Variants in OVCH1 observed in about 807,000 individuals in gnomAD.
The protein encoded by OVCH1 is ovochymase-1.
In OVCH1, 139 loss-of-function variants were observed where a neutral mutation model predicts 138.4. That is an observed-to-expected ratio of 1.00 (90% confidence interval 0.87 to 1.16). The LOEUF is 1.16. Among genes scored for constraint, OVCH1 ranks in the 50% most tolerant of loss-of-function variants. The probability of loss-of-function intolerance (pLI) is 0.00; values close to 1 mark genes in which losing one functional copy is unlikely to be tolerated. For missense variants in OVCH1, 1,367 were observed against 1,357.9 expected, an observed-to-expected ratio of 1.01 and a Z score of -0.11; for synonymous variants, 453 against 467.8, an observed-to-expected ratio of 0.97 and a Z score of 0.41.
In OVCH1 at chr12:29,475,190, C is replaced by T. The variant is rs560710953; in HGVS notation, c.1472-1G>A. 11 of 1,445,132 alleles carry T rather than the reference C, an allele frequency of 7.6e-6. No individual in the cohort carries two copies. Among genetic ancestry groups the T allele is most frequent in the Non-Finnish European group, 9.1e-6 (10 of 1,094,652 alleles). The allele number at this position is 1,445,132 out of a possible 1,614,324, so 89.5% of individuals were successfully genotyped here. On this transcript the variant is annotated splice_acceptor_variant, in intron 13 of 27. Transcript: ENST00000318184. LOFTEE classifies it high-confidence loss of function. ...ATGGTCAACATTCCACAAAGTTTAG[C>T]TGAAAAAATTTTAGGAAAGTTTGAT...
intron 19 of OVCH1, among the ~76,000 whole-genome samples, chr12:29,459,280 C>G (rs1367903033): frequency 6.6e-6 from 1 of 152,168 alleles, no homozygotes; most frequent in African/African-American, 2.4e-5. Flanking sequence ...GGTTCATATA[C>G]ACAATGGAGT....
chr12:29,444,782 C>CTG (rs1417605259), intron 23 of OVCH1, among the ~76,000 whole-genome samples: 1 of 152,048 alleles, frequency 6.6e-6, no homozygotes. Flanking sequence ...AAAGTTCAAT[C>CTG]TGACAACTCT....
chr12:29,436,648 T>C (rs1386489273), intron 26 of OVCH1, among the ~76,000 whole-genome samples: 1 of 152,174 alleles, frequency 6.6e-6, no homozygotes, highest in Non-Finnish European at 1.5e-5. Context: ...GTCCAGAGTT[T>C]CTTCCTTCCG....
At chr12:29,472,946 G>A (rs1281872696) in intron 15 of OVCH1, 83 bp downstream of exon 15, 2 of 1,216,972 alleles carry the variant, frequency 1.6e-6, no homozygotes, top group East Asian at 2.5e-5. Flanking sequence ...TATAGCCAAT[G>A]TAAGATAAGG....
At chr12:29,465,654 G>A (rs765134068) in intron 16 of OVCH1, among the ~76,000 whole-genome samples, 5 of 152,116 alleles carry the variant, frequency 3.3e-5, no homozygotes, top group Non-Finnish European at 7.3e-5. Flanking sequence ...GCCACATCAT[G>A]CCTTCTGATC....
chr12:29,447,246 A>G (rs1376514936), intron 22 of OVCH1, among the ~76,000 whole-genome samples: 1 of 152,154 alleles, frequency 6.6e-6, no homozygotes, highest in Non-Finnish European at 1.5e-5. Context: ...TTTTGAGCCC[A>G]GGAGTTTGAG....
At chr12:29,445,523 T>C (rs1488385312) in intron 22 of OVCH1, 120 bp from the exon 23 acceptor site, 1 of 1,030,652 alleles carries the variant, frequency 9.7e-7, no homozygotes, top group Non-Finnish European at 1.4e-6. Context: ...TTCTGTAAAA[T>C]GATGAAACAG....
intron 26 of OVCH1, among the ~76,000 whole-genome samples, chr12:29,436,372 G>C (rs1398791991): frequency 9.5e-6 from 1 of 104,808 alleles, no homozygotes; most frequent in Admixed American, 8.3e-5. Flanking sequence ...GAAAATACAT[G>C]TTATATAACA....
downstream of OVCH1, among the ~76,000 whole-genome samples, chr12:29,408,897 T>C (rs1940917035): frequency 6.6e-6 from 1 of 152,214 alleles, no homozygotes; most frequent in Admixed American, 6.5e-5. Flanking sequence ...CAGTTCCTCC[T>C]TGTACCTCCA....
Position 29,488,929 on chromosome 12 carries a change from G to T in OVCH1, c.702+691C>A, listed in dbSNP as rs3825232. Reference sequence around the variant, plus strand: ...TCCTCCCTCCCAAACTCCTGTCATCGCCTCGAAGAAAAACTCAAAAATCCT... The same window carrying T: ...TCCTCCCTCCCAAACTCCTGTCATCTCCTCGAAGAAAAACTCAAAAATCCT... On this transcript the variant is annotated intron_variant, in intron 6 of 27. Coordinates refer to ENST00000318184, the Ensembl canonical transcript of OVCH1. Among the ~76,000 whole-genome samples the T allele has an allele frequency of 0.013, 1,903 of 152,168 alleles. 111 individuals are homozygous for T. In the East Asian group the frequency reaches 0.18, roughly 14 times the overall value.
chr12:29,496,483 A>G, intron 2 of OVCH1, 73 bp downstream of exon 2: 1 of 1,384,820 alleles, frequency 7.2e-7, no homozygotes, highest in Non-Finnish European at 1.0e-6. Flanking sequence ...ATCAACGTGC[A>G]TTCTTGCTTT....
chr12:29,489,324 A>C (rs1943210014), intron 6 of OVCH1, among the ~76,000 whole-genome samples: 1 of 152,244 alleles, frequency 6.6e-6, no homozygotes, highest in Non-Finnish European at 1.5e-5. Context: ...AGGCCTAATA[A>C]GATTGTGAAA....
exon 19 of OVCH1, chr12:29,461,936 T>C (rs1242433752): frequency 1.9e-6 from 3 of 1,613,740 alleles, no homozygotes; most frequent in Non-Finnish European, 2.5e-6. Context: ...GGCAGAATAG[T>C]AAGTGTGTTC....
intron 19 of OVCH1, among the ~76,000 whole-genome samples, chr12:29,459,787 AAAG>A (rs929008409): frequency 2.6e-5 from 4 of 152,164 alleles, no homozygotes; most frequent in African/African-American, 9.6e-5. Flanking sequence ...AAAAATTAAA[AAAG>A]AACTTAGAAT....
chr12:29,477,617 C>G (rs1565602334), intron 9 of OVCH1, 139 bp from the exon 11 acceptor site: 3 of 1,603,272 alleles, frequency 1.9e-6, no homozygotes, highest in South Asian at 2.2e-5. Context: ...TTTGATCATT[C>G]AACATTCCCT....
intron 27 of OVCH1, among the ~76,000 whole-genome samples, chr12:29,428,579 A>G (rs1941216957): frequency 6.6e-6 from 1 of 152,180 alleles, no homozygotes; most frequent in Non-Finnish European, 1.5e-5. Flanking sequence ...TTGAACTTAT[A>G]AATCTTCCCC....
exon 23 of OVCH1, chr12:29,445,375 T>C (rs1941584904): frequency 1.2e-6 from 2 of 1,610,872 alleles, no homozygotes; most frequent in Non-Finnish European, 1.7e-6. Context: ...TGAAAGTCAT[T>C]GAGTAAAGTC....
chr12:29,441,803 T>C (rs1204607557), intron 25 of OVCH1, among the ~76,000 whole-genome samples: 1 of 151,982 alleles, frequency 6.6e-6, no homozygotes, highest in Non-Finnish European at 1.5e-5. Context: ...CATCAAAAAA[T>C]GGGCAAAGGA....
At chr12:29,435,647 C>T (rs1024554308) in intron 26 of OVCH1, among the ~76,000 whole-genome samples, 1 of 152,182 alleles carries the variant, frequency 6.6e-6, no homozygotes, top group Admixed American at 6.5e-5. Context: ...AGCTACCGCA[C>T]CCGGAGGCCC....
Sources: gnomAD v4.1 joint callset for allele counts (sites outside exome capture counted in the v4.1 genomes callset) on GRCh38, gnomAD v4.1.1 for gene constraint, MANE v1.5 for transcripts, NCBI Gene and HGNC (gene_info 2026-07-23, HGNC 2026-07-21) for gene names.